ANK1: variants seen among roughly 807,000 people sequenced by gnomAD.
ANK1 encodes the protein ankyrin-1.
ANK1 carries 51 observed loss-of-function variants against 210.4 expected under a neutral mutation model. That is an observed-to-expected ratio of 0.24 (90% CI 0.19 to 0.31). The LOEUF is 0.31. ANK1 is among the 10% of genes least tolerant of loss of function. The probability of loss-of-function intolerance (pLI) is 1.00; values close to 1 mark genes in which losing one functional copy is unlikely to be tolerated. For missense variants in ANK1, 2,051 were observed against 2,504.4 expected (o/e 0.82, Z 3.86); for synonymous variants, 967 against 1,025.9 (o/e 0.94, Z 1.10).
Position 41,694,637 on chromosome 8 carries a change from C to A in ANK1, c.3282G>T (p.Thr1094=). Residue 1094 remains threonine, a synonymous_variant, in exon 28 of 43, where the codon ACG becomes ACT. Coordinates refer to ENST00000289734, the MANE Select transcript of ANK1 (RefSeq NM_000037.4). This position sits in a 1 kb window ranked among gnomAD's most constrained non-coding sequence, Gnocchi z 5.7. The part of the protein sequence containing the change: ...KSKLVPLVQA[T]FPENAVTKRV... ...TCTTGGTGACGGCATTCTCCGGGAACGTTGCCTGTACCAGGGGCACCAGCT... is the reference window on the plus strand; with the variant it reads ...TCTTGGTGACGGCATTCTCCGGGAAAGTTGCCTGTACCAGGGGCACCAGCT... The A allele has an allele frequency of 3.1e-6, 5 of 1,614,064 alleles. No individual in the cohort carries two copies. The highest frequency in any genetic ancestry group is 4.2e-6 in the Non-Finnish European group (5 of 1,180,024).
At chr8:41,668,968 G>A (rs79106600) in intron 38 of ANK1, among the ~76,000 whole-genome samples, 213 of 152,124 alleles carry the variant, frequency 1.4e-3, no homozygotes, top group African/African-American at 4.9e-3. Context: ...GTCCTCATCT[G>A]ACAAGGTGGT....
intron 37 of ANK1, among the ~76,000 whole-genome samples, chr8:41,679,857 C>T (rs939959536): frequency 1.3e-5 from 2 of 152,142 alleles, no homozygotes; most frequent in Non-Finnish European, 2.9e-5. Context: ...AGCCACCGCG[C>T]CCGGCCTTCC....
At chr8:41,866,476 G>A (rs1464103888) in intron 1 of ANK1, among the ~76,000 whole-genome samples, 2 of 152,228 alleles carry the variant, frequency 1.3e-5, no homozygotes, top group Non-Finnish European at 2.9e-5. Context: ...TGACAGGCGT[G>A]AGCCACTGTG....
chr8:41,871,463 A>G (rs1031751127), intron 1 of ANK1, among the ~76,000 whole-genome samples: 7 of 152,080 alleles, frequency 4.6e-5, no homozygotes, highest in Admixed American at 1.3e-4. Context: ...GTGAGCCACC[A>G]CGTCCGGCCT....
chr8:41,672,835 G>T lies in ANK1; in HGVS notation c.4615C>A (p.Gln1539Lys). The T allele has an allele frequency of 6.2e-7, 1 of 1,612,568 alleles. No individual in the cohort carries two copies. The highest frequency in any genetic ancestry group is 8.5e-7 in the Non-Finnish European group (1 of 1,179,654). Residue 1539 changes from glutamine to lysine, a missense_variant, in exon 38 of 43, where the codon CAG becomes AAG. Coordinates refer to ENST00000289734, the MANE Select transcript of ANK1 (RefSeq NM_000037.4). ...AGGACGGCCACCTCATTCCAGTACTGGTCTGCACGTAGCGGAGAGGAAAGT... is the reference window on the plus strand; with the variant it reads ...AGGACGGCCACCTCATTCCAGTACTTGTCTGCACGTAGCGGAGAGGAAAGT... ...CALSSPLRADQYWNEVAVLDA... is the reference protein window; with the variant it reads ...CALSSPLRADKYWNEVAVLDA...
chr8:41,873,111 T>G (rs546051776), intron 1 of ANK1, among the ~76,000 whole-genome samples: 1 of 152,362 alleles, frequency 6.6e-6, no homozygotes, highest in Non-Finnish European at 1.5e-5. Flanking sequence ...CATTACCGTT[T>G]ATTTTCTTTG....
intron 35 of ANK1, among the ~76,000 whole-genome samples, chr8:41,687,879 T>C (rs115997959): frequency 1.3e-3 from 197 of 152,340 alleles, no homozygotes; most frequent in African/African-American, 4.7e-3. Flanking sequence ...ATGTTGAGAC[T>C]TGCCCTTTCC....
chr8:41,655,705 T>G lies in ANK1; in HGVS notation c.*85A>C, dbSNP rs773603141. ...CCTCAGGTCCAGCTCTCCTCCTGTG[T>G]GCATGGCAGAGTGTGTGGGGTTCAG... On this transcript the variant is annotated 3_prime_UTR_variant, in exon 43 of 43. Coordinates refer to ENST00000289734, the MANE Select transcript of ANK1 (RefSeq NM_000037.4). 20 of 1,613,684 alleles carry G rather than the reference T, an allele frequency of 1.2e-5. No homozygotes were observed. The South Asian group carries it at 2.2e-4, about 18-fold the overall frequency.
chr8:41,759,130 C>T (rs538625036), intron 1 of ANK1, among the ~76,000 whole-genome samples: 1 of 152,236 alleles, frequency 6.6e-6, no homozygotes, highest in South Asian at 2.1e-4. Context: ...TTTACATATA[C>T]AGTCAAGCCC....
intron 1 of ANK1, among the ~76,000 whole-genome samples, chr8:41,859,256 G>A (rs1812800438): frequency 6.6e-6 from 1 of 152,218 alleles, no homozygotes; most frequent in African/African-American, 2.4e-5. Flanking sequence ...GGCACCTACG[G>A]GAAATTTCCC....
intron 1 of ANK1, among the ~76,000 whole-genome samples, chr8:41,882,097 G>A (rs374363246): frequency 2.6e-5 from 4 of 152,100 alleles, no homozygotes; most frequent in Non-Finnish European, 4.4e-5. Flanking sequence ...CTGCCACTGC[G>A]CAGTGGTGTG....
rs781246378 is a variant in ANK1 at position 41,723,647 on chromosome 8, G to T, written c.712-14C>A. Reference sequence around the variant, plus strand: ...CGTGATGCCGTTCTGAAGGGAGGAAGCAGGACGGTCAGGGCGCGTCATCCT... The same window carrying T: ...CGTGATGCCGTTCTGAAGGGAGGAATCAGGACGGTCAGGGCGCGTCATCCT... On this transcript the variant is annotated splice_polypyrimidine_tract_variant and intron_variant, in intron 7 of 42. Coordinates refer to ENST00000289734, the MANE Select transcript of ANK1 (RefSeq NM_000037.4). 1.2e-6 allele frequency: 2 copies of T among 1,610,508 alleles called. No homozygotes were observed. Among genetic ancestry groups the T allele is most frequent in the South Asian group, 2.2e-5 (2 of 91,030 alleles).
chr8:41,845,365 G>A (rs1809816711), intron 1 of ANK1, among the ~76,000 whole-genome samples: 1 of 151,138 alleles, frequency 6.6e-6, no homozygotes, highest in South Asian at 2.1e-4. Context: ...CTCCAGCCTG[G>A]GTGACAGAGC....
intron 1 of ANK1, among the ~76,000 whole-genome samples, chr8:41,890,180 C>T (rs116326974): frequency 0.015 from 2,319 of 152,312 alleles, 55 homozygotes; most frequent in African/African-American, 0.052. Flanking sequence ...AGCACATTCT[C>T]ATTTATTATC....
At chr8:41,658,012 A>G (rs716199) in intron 42 of ANK1, among the ~76,000 whole-genome samples, 90,771 of 152,036 alleles carry the variant, frequency 0.6, 27,612 homozygotes, top group African/African-American at 0.71. Flanking sequence ...TTCCCAAGAA[A>G]CTGGAACTAC....
At chr8:41,680,094 C>T (rs1167106900) in intron 37 of ANK1, among the ~76,000 whole-genome samples, 1 of 152,166 alleles carries the variant, frequency 6.6e-6, no homozygotes, top group African/African-American at 2.4e-5. Context: ...GACACAGCTC[C>T]TTGGATTTGG....
At chr8:41,685,224 C>T (rs1319527986) in intron 36 of ANK1, among the ~76,000 whole-genome samples, 1 of 152,146 alleles carries the variant, frequency 6.6e-6, no homozygotes. Flanking sequence ...CCACCGTGCC[C>T]ACCACAGTGG....
At chr8:41,766,033 G>T (rs1841715476) in intron 1 of ANK1, among the ~76,000 whole-genome samples, 1 of 152,176 alleles carries the variant, frequency 6.6e-6, no homozygotes, top group Non-Finnish European at 1.5e-5. Context: ...ATCTAGAAAG[G>T]CGAATGGAAA....
At chr8:41,690,642 G>C (rs764880705) in intron 31 of ANK1, 43 bp from the exon 32 acceptor site, 1 of 1,601,670 alleles carries the variant, frequency 6.2e-7, no homozygotes. Flanking sequence ...AGGGAGAGAA[G>C]GGCCCAGATG....
Sources: allele counts gnomAD v4.1 joint callset (sites outside exome capture counted in the v4.1 genomes callset), GRCh38; gene constraint gnomAD v4.1.1; non-coding constraint Gnocchi (gnomAD v3.1); transcripts MANE v1.5; gene names NCBI Gene and HGNC (gene_info 2026-07-23, HGNC 2026-07-21).